The following RFX7 variants were observed in gnomAD, a reference collection of about 807,000 sequenced individuals.
The protein encoded by RFX7 is regulatory factor X7, also known as DNA-binding protein RFX7.
In RFX7, 26 loss-of-function variants were observed where a neutral mutation model predicts 111.8. The observed-to-expected ratio is 0.23, with a 90% CI of 0.17 to 0.32. The LOEUF (loss-of-function observed/expected upper bound fraction) is 0.32. RFX7 is among the 10% of genes least tolerant of loss of function. The pLI is 1.00. For synonymous variants in RFX7, 624 were observed against 624.4 expected (o/e 1.00, Z 0.01); for missense variants, 1,573 against 1,772.9 (o/e 0.89, Z 2.02).
At chr15:56,106,729 T>G (rs1233984644) in intron 5 of RFX7, among the ~76,000 whole-genome samples, 2 of 152,332 alleles carry the variant, frequency 1.3e-5, no homozygotes, top group Non-Finnish European at 2.9e-5. Context: ...AAGAAAAATC[T>G]AGATATTCAA....
At chr15:56,127,600 T>C (rs1251140762) in intron 5 of RFX7, among the ~76,000 whole-genome samples, 2 of 149,446 alleles carry the variant, frequency 1.3e-5, no homozygotes, top group Non-Finnish European at 3.0e-5. Context: ...CAGGCTGGAG[T>C]GCAGTGGCGC....
At chr15:56,203,434 A>G (rs181082310) in intron 2 of RFX7, among the ~76,000 whole-genome samples, 7 of 152,318 alleles carry the variant, frequency 4.6e-5, no homozygotes, top group Non-Finnish European at 1.0e-4. Flanking sequence ...AAGTTCCCCT[A>G]TCCTTATAAT....
chr15:56,174,269 ACT>A (rs1278006211), intron 3 of RFX7, among the ~76,000 whole-genome samples: 1 of 151,588 alleles, frequency 6.6e-6, no homozygotes, highest in Non-Finnish European at 1.5e-5. Context: ...CAAAAGTGAA[ACT>A]CTGTCTCAAA....
At chr15:56,168,282 A>G (rs900632687) in intron 3 of RFX7, among the ~76,000 whole-genome samples, 2 of 152,198 alleles carry the variant, frequency 1.3e-5, no homozygotes, top group East Asian at 3.8e-4. Context: ...ACTAACAATA[A>G]CAATAAAAAA....
intron 2 of RFX7, among the ~76,000 whole-genome samples, chr15:56,188,723 T>C (rs1485605952): frequency 6.6e-6 from 1 of 152,208 alleles, no homozygotes; most frequent in African/African-American, 2.4e-5. Context: ...ACAAACCTCA[T>C]ACTATAGAAA....
chr15:56,149,476 G>C (rs149762231), intron 3 of RFX7, among the ~76,000 whole-genome samples: 68 of 152,352 alleles, frequency 4.5e-4, no homozygotes, highest in African/African-American at 1.6e-3. Context: ...GAAGGCGGGT[G>C]ATTTCTGCAC....
At chr15:56,144,592 A>C (rs958281878) in intron 3 of RFX7, 109 bp from the exon 4 acceptor site, 1 of 388,216 alleles carries the variant, frequency 2.6e-6, no homozygotes, top group South Asian at 2.3e-5. Flanking sequence ...TAAATTTAAA[A>C]CAGATGAATC....
intron 5 of RFX7, among the ~76,000 whole-genome samples, chr15:56,141,276 G>T (rs572799590): frequency 6.6e-6 from 1 of 151,844 alleles, no homozygotes; most frequent in Non-Finnish European, 1.5e-5. Flanking sequence ...TGAGCCCTGG[G>T]GGTGGGGGTG....
At chr15:56,109,170 C>G (rs969927795) in intron 5 of RFX7, among the ~76,000 whole-genome samples, 2 of 152,202 alleles carry the variant, frequency 1.3e-5, no homozygotes, top group South Asian at 2.1e-4. Flanking sequence ...CTCAGCCTGC[C>G]GAGTGCCTGC....
chr15:56,224,467 TTG>T lies in RFX7; in HGVS notation c.161+18656_161+18657del, dbSNP rs58795247. ...ACTCTCTTTTGCCAAGATTAGGATT[TTG>T]TGTGTGTGTGTGTGTGTGTGTGTGT... On this transcript the variant is annotated intron_variant, in intron 2 of 9. Coordinates refer to ENST00000559447, the MANE Select transcript of RFX7 (RefSeq NM_022841.7). Among the ~76,000 whole-genome samples, 69 of 147,288 alleles carry T rather than the reference TTG, an allele frequency of 4.7e-4. No homozygotes were observed. In the Middle Eastern group the frequency reaches 0.01, roughly 22 times the overall value.
intron 3 of RFX7, among the ~76,000 whole-genome samples, chr15:56,157,330 T>G (rs1349901959): frequency 6.6e-6 from 1 of 152,220 alleles, no homozygotes; most frequent in Admixed American, 6.5e-5. Context: ...TTTTTAAAGT[T>G]TAAAAATTTT....
At chr15:56,097,215 A>AACTT (rs1211240987) in intron 9 of RFX7, among the ~76,000 whole-genome samples, 1 of 152,216 alleles carries the variant, frequency 6.6e-6, no homozygotes, top group Non-Finnish European at 1.5e-5. Flanking sequence ...ATAAAGCACC[A>AACTT]ACTTACTCTC....
chr15:56,129,298 C>G (rs888522480), intron 5 of RFX7, among the ~76,000 whole-genome samples: 1 of 151,664 alleles, frequency 6.6e-6, no homozygotes, highest in Non-Finnish European at 1.5e-5. Flanking sequence ...TCACTTGAAC[C>G]CGGAAGGCAG....
intron 5 of RFX7, among the ~76,000 whole-genome samples, chr15:56,120,530 A>T (rs2042063336): frequency 6.6e-6 from 1 of 152,174 alleles, no homozygotes; most frequent in African/African-American, 2.4e-5. Flanking sequence ...TACTATTTGA[A>T]TAAAAGTGGC....
intron 5 of RFX7, among the ~76,000 whole-genome samples, chr15:56,140,438 G>A (rs1012482585): frequency 5.9e-5 from 9 of 152,334 alleles, no homozygotes; most frequent in South Asian, 2.1e-4. Context: ...GACCCCTTGC[G>A]CTTCCCAAGT....
At chr15:56,204,823 T>C (rs755027216) in intron 2 of RFX7, among the ~76,000 whole-genome samples, 4 of 152,196 alleles carry the variant, frequency 2.6e-5, no homozygotes, top group African/African-American at 4.8e-5. Context: ...GTCAGGGTCA[T>C]GCACCTTACT....
intron 5 of RFX7, among the ~76,000 whole-genome samples, chr15:56,106,454 A>G (rs1157825313): frequency 1.3e-5 from 2 of 152,258 alleles, no homozygotes; most frequent in Non-Finnish European, 1.5e-5. Flanking sequence ...GAGGGCATCA[A>G]TGTAAAAACA....
chr15:56,190,751 C>T (rs1418299985), intron 2 of RFX7, among the ~76,000 whole-genome samples: 2 of 152,094 alleles, frequency 1.3e-5, no homozygotes, highest in African/African-American at 2.4e-5. Context: ...CTTTTTGTGC[C>T]CCACTCTTAA....
chr15:56,117,109 CT>C (rs1404719805), intron 5 of RFX7, among the ~76,000 whole-genome samples: 1 of 152,004 alleles, frequency 6.6e-6, no homozygotes. Flanking sequence ...GAGGGTATTC[CT>C]TTTGTAAAGA....
Sources: gnomAD v4.1 joint callset for allele counts (sites outside exome capture counted in the v4.1 genomes callset) on GRCh38, gnomAD v4.1.1 for gene constraint, MANE v1.5 for transcripts, NCBI Gene and HGNC (gene_info 2026-07-23, HGNC 2026-07-21) for gene names.